The following PHKB variants were observed in gnomAD, a reference collection of about 807,000 sequenced individuals.
The protein encoded by PHKB is phosphorylase b kinase regulatory subunit beta.
PHKB carries 122 observed loss-of-function variants against 152.1 expected under a neutral mutation model. That is an observed-to-expected ratio of 0.80 (90% CI 0.69 to 0.93). The LOEUF (loss-of-function observed/expected upper bound fraction) is 0.93. Among genes scored for constraint, PHKB ranks in the 40% least tolerant of loss-of-function variants. PHKB has a pLI of 0.00. For missense variants in PHKB, 1,304 were observed against 1,328.4 expected, an observed-to-expected ratio of 0.98 and a Z score of 0.29; for synonymous variants, 436 against 464.9, an observed-to-expected ratio of 0.94 and a Z score of 0.80.
chr16:47,543,044 A>G (rs1971090537), intron 6 of PHKB, among the ~76,000 whole-genome samples: 1 of 152,166 alleles, frequency 6.6e-6, no homozygotes, highest in Non-Finnish European at 1.5e-5. Flanking sequence ...TATGTTGAAT[A>G]GGAGTGGTGA....
At chr16:47,607,561 C>T (rs932123433) in intron 13 of PHKB, among the ~76,000 whole-genome samples, 1 of 152,178 alleles carries the variant, frequency 6.6e-6, no homozygotes, top group African/African-American at 2.4e-5. Flanking sequence ...ATATACATTA[C>T]ATTTTATTTA....
At chr16:47,590,068 G>A (rs896804007) in intron 10 of PHKB, among the ~76,000 whole-genome samples, 3 of 152,180 alleles carry the variant, frequency 2.0e-5, no homozygotes, top group African/African-American at 7.2e-5. Context: ...GGGATTACAA[G>A]CGTGAGCCAC....
At chr16:47,469,311 A>G (rs1969723892) in intron 1 of PHKB, among the ~76,000 whole-genome samples, 1 of 152,204 alleles carries the variant, frequency 6.6e-6, no homozygotes, top group Non-Finnish European at 1.5e-5. Context: ...ATTGAATCTT[A>G]CAAACTGTGA....
chr16:47,616,684 A>C (rs1304909133), intron 14 of PHKB, among the ~76,000 whole-genome samples: 1 of 148,310 alleles, frequency 6.7e-6, no homozygotes. Context: ...TTTACATATA[A>C]ATATTATATA....
At chr16:47,683,407 T>A (rs913967398) in intron 26 of PHKB, among the ~76,000 whole-genome samples, 7 of 152,250 alleles carry the variant, frequency 4.6e-5, no homozygotes, top group African/African-American at 1.7e-4. Flanking sequence ...TGTGGTGGGC[T>A]CCACCCATTT....
At chr16:47,698,311 A>C in intron 29 of PHKB, 137 bp from the exon 30 acceptor site, 1 of 706,112 alleles carries the variant, frequency 1.4e-6, no homozygotes, top group East Asian at 2.6e-5. Flanking sequence ...AAAATTAGGA[A>C]GATTCCTTCC....
intron 7 of PHKB, among the ~76,000 whole-genome samples, chr16:47,557,679 G>A (rs539944256): frequency 0.02 from 3,059 of 152,052 alleles, 101 homozygotes; most frequent in African/African-American, 0.069. Flanking sequence ...CAAAACCACA[G>A]TGAGATACCA....
intron 6 of PHKB, among the ~76,000 whole-genome samples, chr16:47,542,692 G>A (rs1229149527): frequency 6.6e-6 from 1 of 152,150 alleles, no homozygotes; most frequent in Non-Finnish European, 1.5e-5. Context: ...GTGGTTTGTA[G>A]TTTTCCTTAA....
chr16:47,665,886 C>G, intron 25 of PHKB: 1 of 1,199,906 alleles, frequency 8.3e-7, no homozygotes, highest in South Asian at 1.2e-5. Context: ...GGGCCCCATG[C>G]ATTCCTCATC....
chr16:47,546,389 C>G (rs1224044506), intron 6 of PHKB, among the ~76,000 whole-genome samples: 1 of 152,140 alleles, frequency 6.6e-6, no homozygotes, highest in East Asian at 1.9e-4. Context: ...CACTCCAGAC[C>G]CTGTTTCCCT....
chr16:47,470,083 G>A (rs748248468), intron 1 of PHKB, among the ~76,000 whole-genome samples: 2 of 152,134 alleles, frequency 1.3e-5, no homozygotes, highest in Non-Finnish European at 2.9e-5. Context: ...GACCAGTTTG[G>A]TTGGGGAGAC....
intron 27 of PHKB, among the ~76,000 whole-genome samples, chr16:47,690,506 C>T (rs1314969824): frequency 6.6e-6 from 1 of 152,038 alleles, no homozygotes; most frequent in Non-Finnish European, 1.5e-5. Context: ...CCACAAAGAG[C>T]TTATAACCAA....
intron 8 of PHKB, among the ~76,000 whole-genome samples, chr16:47,581,250 C>T (rs1971839303): frequency 6.6e-6 from 1 of 152,176 alleles, no homozygotes; most frequent in Non-Finnish European, 1.5e-5. Flanking sequence ...TATATTAATG[C>T]AGCCACCTCT....
intron 26 of PHKB, among the ~76,000 whole-genome samples, chr16:47,671,613 T>C (rs915582979): frequency 2.6e-5 from 4 of 152,214 alleles, no homozygotes; most frequent in Non-Finnish European, 4.4e-5. Context: ...ACCCATTTTT[T>C]CCTTCAAAAT....
intron 1 of PHKB, among the ~76,000 whole-genome samples, chr16:47,483,691 GAACA>G (rs1970004296): frequency 6.6e-6 from 1 of 152,070 alleles, no homozygotes; most frequent in Non-Finnish European, 1.5e-5. Flanking sequence ...GAATAGAATA[GAACA>G]CACTCAATAG....
chr16:47,622,941 T>C (rs1387450845), intron 14 of PHKB, among the ~76,000 whole-genome samples: 1 of 152,218 alleles, frequency 6.6e-6, no homozygotes, highest in African/African-American at 2.4e-5. Flanking sequence ...TGAATTACTT[T>C]CTTAAAGATC....
chr16:47,639,226 A>T (rs1348769652), intron 14 of PHKB, among the ~76,000 whole-genome samples: 1 of 152,168 alleles, frequency 6.6e-6, no homozygotes, highest in Non-Finnish European at 1.5e-5. Flanking sequence ...GTGAGCCGTG[A>T]TCACTCCACC....
chr16:47,544,017 G>T lies in PHKB; in HGVS notation c.595-3416G>T, dbSNP rs187998648. 1.6e-4 allele frequency among the ~76,000 whole-genome samples: 24 copies of T among 151,932 alleles called. No individual in the cohort carries two copies. In the East Asian group the frequency reaches 4.6e-3, roughly 29 times the overall value. Reference sequence around the variant, plus strand: ...GTCTTGCTAGTCGTCTATCAATTTTGTTGATCTTTTCAAAAAACCAGCTCC... The same window carrying T: ...GTCTTGCTAGTCGTCTATCAATTTTTTTGATCTTTTCAAAAAACCAGCTCC... On this transcript the variant is annotated intron_variant, in intron 6 of 30. Transcript: ENST00000323584.
Position 47,652,397 on chromosome 16 carries a change from T to TA in PHKB, c.1971+1478dup, listed in dbSNP as rs749427492. On this transcript the variant is annotated intron_variant, in intron 20 of 30. Transcript: ENST00000323584. ...TAGTGGTCTTTTTTTTTTTTTTTTTTAATACATACACAGTAATAGGATTGC... is the reference window on the plus strand; with the variant it reads ...TAGTGGTCTTTTTTTTTTTTTTTTTTAAATACATACACAGTAATAGGATTGC... Among the ~76,000 whole-genome samples, 66 of 149,804 alleles carry TA rather than the reference T, an allele frequency of 4.4e-4. No homozygotes were observed. The East Asian group carries it at 0.011, about 25-fold the overall frequency.
Sources: gnomAD v4.1 joint callset for allele counts (sites outside exome capture counted in the v4.1 genomes callset) on GRCh38, gnomAD v4.1.1 for gene constraint, MANE v1.5 for transcripts, NCBI Gene and HGNC (gene_info 2026-07-23, HGNC 2026-07-21) for gene names.